The following OSBPL3 variants were observed in gnomAD, a reference collection of about 807,000 sequenced individuals.
The protein encoded by OSBPL3 is oxysterol-binding protein-related protein 3.
In OSBPL3, 65 loss-of-function variants were observed where a neutral mutation model predicts 120.1. The observed-to-expected ratio is 0.54, with a 90% CI of 0.44 to 0.67. The LOEUF (loss-of-function observed/expected upper bound fraction) is 0.67, where lower values mean the gene tolerates loss of function less well. Ranked by LOEUF, OSBPL3 falls within the 30% of genes least tolerant of loss-of-function variation. The pLI, the probability that OSBPL3 is intolerant of heterozygous loss-of-function variation, is 0.00. For missense variants in OSBPL3, 1,004 were observed against 1,082.1 expected (o/e 0.93, Z 1.01); for synonymous variants, 416 against 402.6 (o/e 1.03, Z -0.40).
intron 1 of OSBPL3, among the ~76,000 whole-genome samples, chr7:24,906,961 C>G (rs546516428): frequency 1.3e-5 from 2 of 152,248 alleles, no homozygotes; most frequent in African/African-American, 4.8e-5. Context: ...ATGCTCATTA[C>G]TCCCTCATGC....
At chr7:24,970,724 T>C (rs1816920631) in intron 1 of OSBPL3, among the ~76,000 whole-genome samples, 1 of 152,206 alleles carries the variant, frequency 6.6e-6, no homozygotes, top group East Asian at 1.9e-4. Flanking sequence ...ACCTTGTACA[T>C]AATAAATTGT....
chr7:24,875,714 T>TA (rs915133994), intron 2 of OSBPL3, among the ~76,000 whole-genome samples: 18 of 151,306 alleles, frequency 1.2e-4, no homozygotes, highest in African/African-American at 2.7e-4. Flanking sequence ...CCCAGTCTCT[T>TA]AAAAAAATTA....
chr7:24,881,162 T>C lies in OSBPL3; in HGVS notation c.97-9093A>G, dbSNP rs1198300547. On this transcript the variant is annotated intron_variant, in intron 2 of 22. Transcript: ENST00000313367. This position sits in a 1 kb window ranked among gnomAD's most constrained non-coding sequence, Gnocchi z 4.3. ...AATCAAAGCAGAGATACATTCTGAC[T>C]AATCAACACATGCATGACTTAGAAT... Among the ~76,000 whole-genome samples, 1 of 152,236 alleles carries C rather than the reference T, an allele frequency of 6.6e-6. No individual in the cohort carries two copies. Among genetic ancestry groups the C allele is most frequent in the Admixed American group, 6.5e-5 (1 of 15,286 alleles).
intron 19 of OSBPL3, 148 bp downstream of exon 19, chr7:24,814,911 A>G (rs1448802554): frequency 1.7e-5 from 12 of 720,820 alleles, no homozygotes; most frequent in Non-Finnish European, 2.4e-5. Context: ...TAGGTGACAG[A>G]GGTGCAGCTG....
In OSBPL3 at chr7:24,842,355, A is replaced by G; in HGVS notation, c.1325T>C (p.Leu442Pro). 2 of 1,612,376 alleles carry G rather than the reference A, an allele frequency of 1.2e-6. No homozygotes were observed. The highest frequency in any genetic ancestry group is 1.7e-6 in the Non-Finnish European group (2 of 1,178,712). The stretch of plus-strand genomic sequence containing the variant: ...CTCAGAAAGGGAGTCAGTGATGGAG[A>G]GTCTACTTTCATTAGAAAGCTGATG... ...LVHQLSNESR[L>P]SITDSLSEFF... The change falls in exon 13 of 23, where the codon CTC (leucine) becomes CCC (proline). Residue 442 changes from leucine to proline, a missense_variant. Around this residue, in one of 4 missense-constraint regions of OSBPL3, gnomAD observed 473 missense variants for 568.0 expected, o/e 0.83. Coordinates refer to ENST00000313367, the MANE Select transcript of OSBPL3 (RefSeq NM_015550.4).
chr7:24,924,311 C>G (rs536637662), intron 1 of OSBPL3, among the ~76,000 whole-genome samples: 1 of 152,108 alleles, frequency 6.6e-6, no homozygotes, highest in Non-Finnish European at 1.5e-5. Flanking sequence ...TGGGTGGCAA[C>G]GCTAAGAGAT....
chr7:24,849,060 C>G lies in OSBPL3; in HGVS notation c.1266+9G>C, dbSNP rs776920436. The G allele has an allele frequency of 1.7e-5, 28 of 1,604,122 alleles. No individual in the cohort carries two copies. The highest frequency in any genetic ancestry group is 2.3e-5 in the Non-Finnish European group (27 of 1,171,504). ...TGGGGAGACATTACCAGACGAGAAA[C>G]CTACCCACCTCTGCCAGATTGTCAC... is the stretch of plus-strand genomic sequence containing the variant. On this transcript the variant is annotated intron_variant, in intron 12 of 22. Coordinates refer to ENST00000313367, the MANE Select transcript of OSBPL3 (RefSeq NM_015550.4). The surrounding 1 kb of genome is among the most constrained non-coding windows in gnomAD (Gnocchi z 5.4).
chr7:24,798,864 A>G lies in OSBPL3; in HGVS notation c.*1319T>C, dbSNP rs988006425. 2.0e-5 allele frequency: 3 copies of G among 152,660 alleles called. No homozygotes were observed. Among genetic ancestry groups the G allele is most frequent in the Admixed American group, 6.5e-5 (1 of 15,288 alleles). 9.5% of individuals were successfully genotyped at this position (152,660 alleles called of 1,614,324 possible). On this transcript the variant is annotated 3_prime_UTR_variant, in exon 23 of 23. Transcript: ENST00000313367. This position sits in a 1 kb window ranked among gnomAD's most constrained non-coding sequence, Gnocchi z 4.6. Reference sequence around the variant, plus strand: ...GCTTAACAATTAGGCTTTGGTTTTAATGTCATCTGGACAGAAGTTGGACAT... The same window carrying G: ...GCTTAACAATTAGGCTTTGGTTTTAGTGTCATCTGGACAGAAGTTGGACAT...
rs1356838766 is a variant in OSBPL3 at position 24,964,712 on chromosome 7, C to T, written c.-150+15174G>A. On this transcript the variant is annotated intron_variant, in intron 1 of 22. Transcript: ENST00000313367. This position sits in a 1 kb window ranked among gnomAD's most constrained non-coding sequence, Gnocchi z 4.2. Reference sequence around the variant, plus strand: ...TAGATTTTAGTTATTAATACTGCAACAGTACTGGTCTATTAATTGTGACAA... The same window carrying T: ...TAGATTTTAGTTATTAATACTGCAATAGTACTGGTCTATTAATTGTGACAA... Among the ~76,000 whole-genome samples the T allele has an allele frequency of 2.0e-5, 3 of 152,190 alleles. No homozygotes were observed. The highest frequency in any genetic ancestry group is 6.5e-5 in the Admixed American group (1 of 15,282).
At chr7:24,923,431 T>C (rs1184152907) in intron 1 of OSBPL3, among the ~76,000 whole-genome samples, 3 of 152,116 alleles carry the variant, frequency 2.0e-5, no homozygotes, top group Non-Finnish European at 4.4e-5. Flanking sequence ...AACGTGGAAG[T>C]ATTTCGAAGT....
intron 14 of OSBPL3, among the ~76,000 whole-genome samples, chr7:24,838,837 A>G (rs1007973219): frequency 1.3e-5 from 2 of 152,194 alleles, no homozygotes; most frequent in African/African-American, 2.4e-5. Context: ...GTTTTTCTAG[A>G]AAAATAAGCA....
chr7:24,831,588 G>A lies in OSBPL3; in HGVS notation c.1747-683C>T, dbSNP rs1796372240. The stretch of plus-strand genomic sequence containing the variant: ...TGGGCAGCCCTTACTGTGAGGTCTT[G>A]GCGTCTTTAGCAATTCCCCGTCAGG... On this transcript the variant is annotated intron_variant, in intron 15 of 22. Transcript: ENST00000313367. This position sits in a 1 kb window ranked among gnomAD's most constrained non-coding sequence, Gnocchi z 4.0. 6.6e-6 allele frequency among the ~76,000 whole-genome samples: 1 copy of A among 152,218 alleles called. No homozygotes were observed.
intron 12 of OSBPL3, among the ~76,000 whole-genome samples, chr7:24,844,662 G>GT (rs527578675): frequency 5.9e-5 from 9 of 151,526 alleles, no homozygotes; most frequent in Non-Finnish European, 1.3e-4. Flanking sequence ...TTGCAAGATA[G>GT]TTTTTTTTCA....
chr7:24,977,049 G>C (rs993601102), intron 1 of OSBPL3, among the ~76,000 whole-genome samples: 2 of 151,926 alleles, frequency 1.3e-5, no homozygotes, highest in Non-Finnish European at 2.9e-5. Context: ...TTTGGAATTA[G>C]TAGCAGTTTC....
In OSBPL3 at chr7:24,819,145, C is replaced by T. The variant is rs775515343; in HGVS notation, c.1948+1030G>A. Among the ~76,000 whole-genome samples the T allele has an allele frequency of 5.4e-4, 82 of 151,236 alleles. No individual in the cohort carries two copies. Among genetic ancestry groups the T allele is most frequent in the Non-Finnish European group, 9.0e-4 (61 of 67,906 alleles). Reference sequence around the variant, plus strand: ...GCGCATGCCTGTAGTCCCAGCTACTCGGGAGGCTGAGACAGGAGAATCACT... The same window carrying T: ...GCGCATGCCTGTAGTCCCAGCTACTTGGGAGGCTGAGACAGGAGAATCACT... On this transcript the variant is annotated intron_variant, in intron 17 of 22. Coordinates refer to ENST00000313367, the MANE Select transcript of OSBPL3 (RefSeq NM_015550.4). The surrounding 1 kb of genome is among the most constrained non-coding windows in gnomAD (Gnocchi z 4.1).
intron 1 of OSBPL3, among the ~76,000 whole-genome samples, chr7:24,905,436 T>C (rs572292518): frequency 1.3e-5 from 2 of 152,054 alleles, no homozygotes; most frequent in South Asian, 4.1e-4. Context: ...GAGAGTGAGA[T>C]AGGTATCAGA....
chr7:24,803,343 A>G lies in OSBPL3; in HGVS notation c.2567+972T>C, dbSNP rs1792610918. Among the ~76,000 whole-genome samples, 1 of 152,202 alleles carries G rather than the reference A, an allele frequency of 6.6e-6. No individual in the cohort carries two copies. Among genetic ancestry groups the G allele is most frequent in the Non-Finnish European group, 1.5e-5 (1 of 68,038 alleles). On this transcript the variant is annotated intron_variant, in intron 22 of 22. Coordinates refer to ENST00000313367, the MANE Select transcript of OSBPL3 (RefSeq NM_015550.4). The surrounding 1 kb of genome is among the most constrained non-coding windows in gnomAD (Gnocchi z 4.2). Reference sequence around the variant, plus strand: ...AAAATCATATAGGCCCTGGCCTGGTAGTGAGGAGAGTCAGGCCCCATTCCA... The same window carrying G: ...AAAATCATATAGGCCCTGGCCTGGTGGTGAGGAGAGTCAGGCCCCATTCCA...
chr7:24,978,056 G>T (rs777203858), intron 1 of OSBPL3, among the ~76,000 whole-genome samples: 1 of 152,188 alleles, frequency 6.6e-6, no homozygotes, highest in Non-Finnish European at 1.5e-5. Context: ...TATTCGAAGA[G>T]GTCAAGCACA....
chr7:24,981,293 G>C (rs1376841404), upstream of OSBPL3: 1 of 152,164 alleles, frequency 6.6e-6, no homozygotes, highest in African/African-American at 2.4e-5. This position sits in a 1 kb window ranked among gnomAD's most constrained non-coding sequence, Gnocchi z 7.3. Flanking sequence ...CCAGATTCCT[G>C]AGCCTGGGAA....
Sources: allele counts gnomAD v4.1 joint callset (sites outside exome capture counted in the v4.1 genomes callset), GRCh38; gene constraint gnomAD v4.1.1; regional missense constraint gnomAD v4.1.1; non-coding constraint Gnocchi (gnomAD v3.1); transcripts MANE v1.5; gene names NCBI Gene and HGNC (gene_info 2026-07-23, HGNC 2026-07-21).